NBAS: variants seen among roughly 807,000 people sequenced by gnomAD.
NBAS encodes the protein NAG/BC035112 fusion.
In NBAS, 219 loss-of-function variants were observed where a neutral mutation model predicts 302.5. The observed-to-expected ratio is 0.72, with a 90% CI of 0.65 to 0.81. The LOEUF is 0.81. Among genes scored for constraint, NBAS ranks in the 30% least tolerant of loss-of-function variants. NBAS has a pLI of 0.00. For synonymous variants in NBAS, 1,118 were observed against 1,021.6 expected (o/e 1.09, Z -1.80); for missense variants, 2,932 against 2,841.6 (o/e 1.03, Z -0.72).
the NBAS span, among the ~76,000 whole-genome samples, chr2:15,085,088 G>C: frequency 6.6e-6 from 1 of 152,220 alleles, no homozygotes; most frequent in South Asian, 2.1e-4. Context: ...GTAGCCCGTC[G>C]GTGAGGAAGC....
At chr2:14,825,963 T>C in the NBAS span, among the ~76,000 whole-genome samples, 1 of 152,206 alleles carries the variant, frequency 6.6e-6, no homozygotes, top group Non-Finnish European at 1.5e-5. Context: ...ACAGAGGTTA[T>C]GGATAATAAT....
the NBAS span, among the ~76,000 whole-genome samples, chr2:14,990,258 C>CAAA: frequency 5.0e-5 from 3 of 59,896 alleles, no homozygotes; most frequent in African/African-American, 1.3e-4. Context: ...ACTAAAACTC[C>CAAA]AAAAAAAAAA....
intron 42 of NBAS, among the ~76,000 whole-genome samples, chr2:15,280,605 T>A (rs1187502273): frequency 6.6e-6 from 1 of 152,162 alleles, no homozygotes; most frequent in Admixed American, 6.6e-5. Flanking sequence ...CTGAGTTGAG[T>A]CTTTCAAGTT....
chr2:14,803,206 C>T, the NBAS span, among the ~76,000 whole-genome samples: 1 of 152,174 alleles, frequency 6.6e-6, no homozygotes, highest in Non-Finnish European at 1.5e-5. Context: ...GGGTTTGCCT[C>T]TAGCTAGAAA....
intron 25 of NBAS, among the ~76,000 whole-genome samples, chr2:15,415,198 A>G (rs1193414947): frequency 6.6e-6 from 1 of 152,180 alleles, no homozygotes; most frequent in Non-Finnish European, 1.5e-5. Context: ...TTAACATAAT[A>G]AAAGTATCTA....
At chr2:15,085,071 G>A in the NBAS span, among the ~76,000 whole-genome samples, 1 of 152,188 alleles carries the variant, frequency 6.6e-6, no homozygotes, top group East Asian at 1.9e-4. Context: ...GTGACGGGCC[G>A]GGCCAAGTAG....
Position 15,333,747 on chromosome 2 carries a change from G to A in NBAS, c.4180-2982C>T, listed in dbSNP as rs1448261069. Among the ~76,000 whole-genome samples the A allele has an allele frequency of 2.7e-5, 4 of 149,390 alleles. No individual in the cohort carries two copies. The East Asian group carries it at 5.9e-4, about 22-fold the overall frequency. ...AAGATCACCAAGCTGGAACTTAGTG[G>A]AGATCTGGGAGAAAGAAAAAAAAAA... On this transcript the variant is annotated intron_variant, in intron 35 of 51. Coordinates refer to ENST00000281513, the MANE Select transcript of NBAS (RefSeq NM_015909.4).
chr2:15,162,681 G>A (rs1201445758), downstream of NBAS, among the ~76,000 whole-genome samples: 1 of 152,124 alleles, frequency 6.6e-6, no homozygotes, highest in Non-Finnish European at 1.5e-5. Context: ...ACCGCTGCTG[G>A]TGCGGAGAAA....
rs114873715 is a variant in NBAS, at chr2:15,405,209, A to C, written c.2938-2908T>G. ...TCTACAGTCCTGGAGTATGCTCAAC[A>C]GTTGCTAGTCCAGTGAATAAGTCCT... On this transcript the variant is annotated intron_variant, in intron 25 of 51. Transcript: ENST00000281513. 6.7e-3 allele frequency among the ~76,000 whole-genome samples: 1,027 copies of C among 152,280 alleles called. 12 individuals carry two copies. Among genetic ancestry groups the C allele is most frequent in the African/African-American group, 0.022 (926 of 41,562 alleles).
the NBAS span, among the ~76,000 whole-genome samples, chr2:14,975,386 G>A: frequency 2.2e-3 from 338 of 152,300 alleles, 1 homozygote; most frequent in African/African-American, 7.2e-3. Context: ...TTAGTAGAAA[G>A]CTTTTGTTTC....
At chr2:15,461,611 T>C in intron 20 of NBAS, 76 bp downstream of exon 20, 1 of 924,934 alleles carries the variant, frequency 1.1e-6, no homozygotes, top group South Asian at 1.5e-5. Context: ...ATGCACACAA[T>C]AACATTAACT....
At chr2:15,111,503 G>A in the NBAS span, among the ~76,000 whole-genome samples, 155 of 152,064 alleles carry the variant, frequency 1.0e-3, no homozygotes, top group Admixed American at 9.1e-3. Context: ...AAAAGTTCAG[G>A]GTACCCATTT....
At chr2:14,820,044 G>A in the NBAS span, among the ~76,000 whole-genome samples, 3 of 152,194 alleles carry the variant, frequency 2.0e-5, no homozygotes, top group South Asian at 2.1e-4. Flanking sequence ...AGGGGAAAGG[G>A]AACCCTCATA....
At chr2:14,928,663 T>G in the NBAS span, among the ~76,000 whole-genome samples, 1 of 146,396 alleles carries the variant, frequency 6.8e-6, no homozygotes, top group Non-Finnish European at 1.5e-5. Flanking sequence ...TTGGGTTTTG[T>G]TTTTTTTTTT....
chr2:15,435,664 G>A (rs1171428018), intron 21 of NBAS, among the ~76,000 whole-genome samples: 4 of 152,188 alleles, frequency 2.6e-5, no homozygotes, highest in South Asian at 2.1e-4. Flanking sequence ...TTTGAATCCC[G>A]CCTTTTCCAG....
At chr2:15,402,408 C>A in intron 25 of NBAS, 107 bp from the exon 26 acceptor site, 1 of 1,081,278 alleles carries the variant, frequency 9.2e-7, no homozygotes, top group Non-Finnish European at 1.4e-6. Context: ...AATTAATCAA[C>A]TATAGAAACA....
At chr2:14,843,557 G>GACACACACACACAC in the NBAS span, among the ~76,000 whole-genome samples, 123 of 147,110 alleles carry the variant, frequency 8.4e-4, 2 homozygotes, top group African/African-American at 3.0e-3. Context: ...TACAGACACA[G>GACACACACACACAC]ACACACACAC....
chr2:15,055,032 C>T, the NBAS span, among the ~76,000 whole-genome samples: 1 of 152,270 alleles, frequency 6.6e-6, no homozygotes, highest in Admixed American at 6.5e-5. Context: ...CAGCTTCCGA[C>T]TTTGGGATAT....
chr2:15,557,335 A>G (rs778093071), intron 2 of NBAS, among the ~76,000 whole-genome samples: 1 of 152,150 alleles, frequency 6.6e-6, no homozygotes, highest in Non-Finnish European at 1.5e-5. Flanking sequence ...CTGTGTATGC[A>G]GTTAGGTATA....
Sources: allele counts gnomAD v4.1 joint callset (sites outside exome capture counted in the v4.1 genomes callset), GRCh38; gene constraint gnomAD v4.1.1; transcripts MANE v1.5; gene names NCBI Gene and HGNC (gene_info 2026-07-23, HGNC 2026-07-21).